DNAH17: variants seen among roughly 807,000 people sequenced by gnomAD.
DNAH17 encodes the protein dynein axonemal heavy chain 17.
DNAH17 carries 376 observed loss-of-function variants against 485.6 expected under a neutral mutation model. The ratio of observed to expected loss-of-function variants is 0.77; its 90% CI spans 0.71 to 0.84. The LOEUF (loss-of-function observed/expected upper bound fraction) is 0.84, where lower values mean the gene tolerates loss of function less well. Among genes scored for constraint, DNAH17 ranks in the 40% least tolerant of loss-of-function variants. The pLI is 0.00. For missense variants in DNAH17, 6,370 were observed against 5,839.3 expected, an observed-to-expected ratio of 1.09 and a Z score of -2.96; for synonymous variants, 3,031 against 2,405.9, an observed-to-expected ratio of 1.26 and a Z score of -7.60.
intron 17 of DNAH17, among the ~76,000 whole-genome samples, chr17:78,543,505 T>C (rs1240042704): frequency 6.6e-6 from 1 of 151,608 alleles, no homozygotes; most frequent in Non-Finnish European, 1.5e-5. Context: ...TTAGCCAGGA[T>C]GGTCTCGATC....
At position 78,458,975 on chromosome 17, in the gene DNAH17, A is replaced by G. The variant is rs871192; in HGVS notation, c.9861+26T>C. On this transcript the variant is annotated intron_variant, in intron 61 of 80. Coordinates refer to ENST00000389840, the MANE Select transcript of DNAH17 (RefSeq NM_173628.4). ...CGAGCAAGCGGCTCTGGTGTTTCGCAGGGACGGGAGCGAGCCGGCACTTAC... is the reference window on the plus strand; with the variant it reads ...CGAGCAAGCGGCTCTGGTGTTTCGCGGGGACGGGAGCGAGCCGGCACTTAC... 2,467 of 1,612,352 alleles carry G rather than the reference A, an allele frequency of 1.5e-3. 41 individuals are homozygous for G. The African/African-American group carries it at 0.03, about 19-fold the overall frequency.
intron 75 of DNAH17, among the ~76,000 whole-genome samples, chr17:78,432,010 GAACAA>G (rs960840786): frequency 2.6e-5 from 4 of 151,616 alleles, no homozygotes; most frequent in Admixed American, 6.6e-5. Flanking sequence ...CGTCTTTACA[GAACAA>G]AACAAAACAA....
At chr17:78,441,706 T>C (rs574988283) in intron 71 of DNAH17, among the ~76,000 whole-genome samples, 1 of 152,230 alleles carries the variant, frequency 6.6e-6, no homozygotes, top group South Asian at 2.1e-4. Flanking sequence ...GTTCTGGCGG[T>C]CTTTGGATCA....
intron 6 of DNAH17, 35 bp from the exon 7 acceptor site, chr17:78,570,407 A>T: frequency 6.3e-7 from 1 of 1,596,886 alleles, no homozygotes; most frequent in Non-Finnish European, 8.5e-7. Context: ...ACTGGAGGGG[A>T]CTGGCCGCTG....
intron 26 of DNAH17, among the ~76,000 whole-genome samples, 164 bp downstream of exon 26, chr17:78,514,610 C>T (rs1023498732): frequency 1.3e-5 from 2 of 152,134 alleles, no homozygotes; most frequent in African/African-American, 4.8e-5. Flanking sequence ...GCGTGGAGCC[C>T]AGTGTGACTG....
At chr17:78,428,389 A>T in intron 77 of DNAH17, 136 bp downstream of exon 77, 1 of 1,108,930 alleles carries the variant, frequency 9.0e-7, no homozygotes, top group Non-Finnish European at 1.3e-6. Context: ...AGTGTTTCTG[A>T]TACCCAAGCC....
At chr17:78,513,510 A>G (rs1039142266) in intron 26 of DNAH17, among the ~76,000 whole-genome samples, 4 of 152,084 alleles carry the variant, frequency 2.6e-5, no homozygotes, top group Non-Finnish European at 5.9e-5. Context: ...ATCTCGGCTC[A>G]CTGCAACCTC....
At position 78,477,918 on chromosome 17, in the gene DNAH17, C is replaced by G. The variant is rs576016291; in HGVS notation, c.7992+1107G>C. 5.0e-3 allele frequency among the ~76,000 whole-genome samples: 714 copies of G among 143,278 alleles called. 2 individuals are homozygous for G. Among genetic ancestry groups the G allele is most frequent in the Non-Finnish European group, 7.9e-3 (526 of 66,396 alleles). The allele number at this position is 143,278 out of a possible 152,430, so 94.0% of individuals were successfully genotyped here. ...CACCACCATCATCATTACCACATCACCATCACCACCATCATCACCACCATC... is the reference window on the plus strand; with the variant it reads ...CACCACCATCATCATTACCACATCAGCATCACCACCATCATCACCACCATC... On this transcript the variant is annotated intron_variant, in intron 51 of 80. Transcript: ENST00000389840.
intron 9 of DNAH17, 147 bp from the exon 10 acceptor site, chr17:78,567,313 C>T: frequency 1.3e-6 from 1 of 744,048 alleles, no homozygotes; most frequent in South Asian, 1.8e-5. Context: ...AGGACACCCT[C>T]TGTGTCTGTG....
At chr17:78,438,927 G>A in intron 73 of DNAH17, 163 bp downstream of exon 73, 2 of 1,079,896 alleles carry the variant, frequency 1.9e-6, no homozygotes, top group East Asian at 2.7e-5. Context: ...GACCCCAGCA[G>A]AGCCGACACT....
At chr17:78,543,555 G>T (rs2091663034) in intron 17 of DNAH17, among the ~76,000 whole-genome samples, 1 of 152,122 alleles carries the variant, frequency 6.6e-6, no homozygotes, top group Non-Finnish European at 1.5e-5. Context: ...CTCCCAAAGT[G>T]CTGGGATTAC....
At chr17:78,546,996 C>T (rs569187951) in intron 16 of DNAH17, among the ~76,000 whole-genome samples, 20 of 152,276 alleles carry the variant, frequency 1.3e-4, no homozygotes, top group African/African-American at 4.6e-4. Flanking sequence ...CTTTTTTCCT[C>T]CTCCTAACTA....
Position 78,432,199 on chromosome 17 carries a change from TAAATA to T in DNAH17, c.12225+1825_12225+1829del, listed in dbSNP as rs1252727153. Among the ~76,000 whole-genome samples, 222 of 147,780 alleles carry T rather than the reference TAAATA, an allele frequency of 1.5e-3. 1 individual carries two copies. The highest frequency in any genetic ancestry group is 0.014 in the Middle Eastern group (4 of 286). ...TCTCAAAAATAAATAAATAAATAAATAAATAAAATAAATAAAAATTAAAAAAAAAA... is the reference window on the plus strand; with the variant it reads ...TCTCAAAAATAAATAAATAAATAAATAAATAAATAAAAATTAAAAAAAAAA... On this transcript the variant is annotated intron_variant, in intron 75 of 80. Transcript: ENST00000389840.
At chr17:78,429,416 C>T in intron 75 of DNAH17, 116 bp from the exon 76 acceptor site, 1 of 1,167,780 alleles carries the variant, frequency 8.6e-7, no homozygotes, top group Non-Finnish European at 1.2e-6. Flanking sequence ...CTGTGTCCTT[C>T]TCGCCCTCCA....
rs563921977 is a variant in DNAH17, at chr17:78,490,644, C to G, written c.6818+55G>C. On this transcript the variant is annotated intron_variant, in intron 44 of 80. Coordinates refer to ENST00000389840, the MANE Select transcript of DNAH17 (RefSeq NM_173628.4). ...AATATGCAACTCTGAAACAGGCCAA[C>G]AAGTTCGTTTTTCCCTGCCGAGGTT... The G allele has an allele frequency of 4.5e-6, 7 of 1,550,334 alleles. No individual in the cohort carries two copies. The South Asian group carries it at 6.1e-5, about 13-fold the overall frequency.
chr17:78,491,621 C>T (rs2089862518), intron 42 of DNAH17, 51 bp from the exon 43 acceptor site: 1 of 1,575,796 alleles, frequency 6.3e-7, no homozygotes, highest in Non-Finnish European at 8.6e-7. Context: ...GGCCCCATTC[C>T]AGTCCCCACC....
At chr17:78,515,096 C>T in intron 25 of DNAH17, 74 bp from the exon 26 acceptor site, 1 of 1,558,550 alleles carries the variant, frequency 6.4e-7, no homozygotes, top group East Asian at 2.3e-5. Flanking sequence ...TCTTACCTTT[C>T]TGCACTTACT....
intron 16 of DNAH17, among the ~76,000 whole-genome samples, chr17:78,548,693 A>G (rs2091833284): frequency 6.6e-6 from 1 of 152,250 alleles, no homozygotes; most frequent in Admixed American, 6.5e-5. Context: ...CTGAGAATGT[A>G]CAAACTCCAA....
At position 78,546,836 on chromosome 17, in the gene DNAH17, C is replaced by T. The variant is rs531303366; in HGVS notation, c.2392-2839G>A. On this transcript the variant is annotated intron_variant, in intron 16 of 80. Transcript: ENST00000389840. ...CAGGAGAATCGCTTGAACCCAGAGG[C>T]GGAGGTTGCAGCAAGCCGAGATTGT... 1.5e-3 allele frequency among the ~76,000 whole-genome samples: 221 copies of T among 152,060 alleles called. 1 individual carries two copies. Among genetic ancestry groups the T allele is most frequent in the African/African-American group, 4.8e-3 (201 of 41,452 alleles).
Sources: gnomAD v4.1 joint callset for allele counts (sites outside exome capture counted in the v4.1 genomes callset) on GRCh38, gnomAD v4.1.1 for gene constraint, MANE v1.5 for transcripts, NCBI Gene and HGNC (gene_info 2026-07-23, HGNC 2026-07-21) for gene names.